The following KCNH8 variants were observed in gnomAD, a reference collection of about 807,000 sequenced individuals.
KCNH8 encodes the protein voltage-gated delayed rectifier potassium channel KCNH8.
KCNH8 carries 70 observed loss-of-function variants against 103.6 expected under a neutral mutation model. The ratio of observed to expected loss-of-function variants is 0.68; its 90% CI spans 0.56 to 0.82. KCNH8 has a LOEUF of 0.82. Among genes scored for constraint, KCNH8 ranks in the 40% least tolerant of loss-of-function variants. The pLI, the probability that KCNH8 is intolerant of heterozygous loss-of-function variation, is 0.00. For synonymous variants in KCNH8, 498 were observed against 489.4 expected, an observed-to-expected ratio of 1.02 and a Z score of -0.23; for missense variants, 1,217 against 1,329.9, an observed-to-expected ratio of 0.92 and a Z score of 1.32.
chr3:19,356,389 G>A (rs2065882465), intron 5 of KCNH8, among the ~76,000 whole-genome samples: 1 of 151,880 alleles, frequency 6.6e-6, no homozygotes, highest in African/African-American at 2.4e-5. Context: ...TTCTTCCCAT[G>A]TAGATTTACC....
At chr3:19,338,214 T>C (rs2065611460) in intron 3 of KCNH8, among the ~76,000 whole-genome samples, 1 of 151,982 alleles carries the variant, frequency 6.6e-6, no homozygotes, top group African/African-American at 2.4e-5. Flanking sequence ...TTTTTACCTC[T>C]CTTCCTTCCT....
At chr3:19,159,856 A>T (rs1344416075) in intron 1 of KCNH8, among the ~76,000 whole-genome samples, 2 of 152,102 alleles carry the variant, frequency 1.3e-5, no homozygotes, top group African/African-American at 4.8e-5. Context: ...TGAGAGCCTG[A>T]GGTTACCAGC....
intron 1 of KCNH8, among the ~76,000 whole-genome samples, chr3:19,250,958 G>A (rs2064268962): frequency 6.6e-6 from 1 of 152,118 alleles, no homozygotes; most frequent in South Asian, 2.1e-4. Context: ...ACTGAAAAAT[G>A]GCTTCTGAAA....
intron 7 of KCNH8, among the ~76,000 whole-genome samples, chr3:19,401,955 A>G (rs888136614): frequency 6.6e-6 from 1 of 151,954 alleles, no homozygotes; most frequent in African/African-American, 2.4e-5. Flanking sequence ...TTATACCTAG[A>G]AAGGAATGAA....
At chr3:19,491,025 A>G (rs948450969) in intron 11 of KCNH8, among the ~76,000 whole-genome samples, 3 of 152,214 alleles carry the variant, frequency 2.0e-5, no homozygotes, top group Non-Finnish European at 4.4e-5. Context: ...CTGGATTGGT[A>G]TGAAGTGTTA....
At chr3:19,315,443 C>A (rs1371313403) in intron 3 of KCNH8, among the ~76,000 whole-genome samples, 1 of 151,942 alleles carries the variant, frequency 6.6e-6, no homozygotes, top group African/African-American at 2.4e-5. Context: ...TTTCAATGAA[C>A]TGAGGGACTT....
intron 11 of KCNH8, among the ~76,000 whole-genome samples, chr3:19,500,892 C>G (rs1251751671): frequency 1.3e-5 from 2 of 152,110 alleles, no homozygotes; most frequent in East Asian, 1.9e-4. Context: ...CAAACACATT[C>G]AAAAGCTAGC....
chr3:19,215,257 C>T (rs2063807268), intron 1 of KCNH8, among the ~76,000 whole-genome samples: 1 of 152,182 alleles, frequency 6.6e-6, no homozygotes, highest in Non-Finnish European at 1.5e-5. Context: ...GATATCTTGA[C>T]ACTTGAATGC....
At chr3:19,509,137 T>A (rs968583685) in intron 11 of KCNH8, among the ~76,000 whole-genome samples, 1 of 152,262 alleles carries the variant, frequency 6.6e-6, no homozygotes, top group Non-Finnish European at 1.5e-5. Flanking sequence ...ACAAAACTTA[T>A]GTCTAAAATG....
At chr3:19,324,836 G>T (rs78785867) in intron 3 of KCNH8, among the ~76,000 whole-genome samples, 1 of 151,678 alleles carries the variant, frequency 6.6e-6, no homozygotes, top group African/African-American at 2.4e-5. Flanking sequence ...AAAAAAAAAT[G>T]TTTTAAAATT....
chr3:19,377,370 A>G (rs1159621617), intron 5 of KCNH8, among the ~76,000 whole-genome samples: 1 of 152,206 alleles, frequency 6.6e-6, no homozygotes, highest in Non-Finnish European at 1.5e-5. Flanking sequence ...AGGTGAGAAC[A>G]CATGGTCAAT....
At chr3:19,300,504 G>A (rs898227358) in intron 3 of KCNH8, among the ~76,000 whole-genome samples, 1 of 152,130 alleles carries the variant, frequency 6.6e-6, no homozygotes, top group Non-Finnish European at 1.5e-5. Flanking sequence ...CTGCTTTGGA[G>A]TATTTTTATC....
chr3:19,351,251 A>G (rs762767630), intron 5 of KCNH8, among the ~76,000 whole-genome samples: 74 of 152,198 alleles, frequency 4.9e-4, no homozygotes, highest in Non-Finnish European at 7.8e-4. Context: ...GACCAAATCT[A>G]CATCTGATTG....
chr3:19,412,968 G>T (rs954136224), intron 7 of KCNH8, among the ~76,000 whole-genome samples: 5 of 151,926 alleles, frequency 3.3e-5, no homozygotes, highest in Non-Finnish European at 7.4e-5. Flanking sequence ...ATTTCTCAAA[G>T]AATTTAAAAC....
intron 1 of KCNH8, among the ~76,000 whole-genome samples, chr3:19,179,621 A>G (rs1229697083): frequency 6.6e-6 from 1 of 152,302 alleles, no homozygotes; most frequent in Middle Eastern, 3.4e-3. Flanking sequence ...ATGAAATAAT[A>G]GTAACAGCTA....
At chr3:19,488,293 A>T (rs1321352610) in intron 11 of KCNH8, among the ~76,000 whole-genome samples, 2 of 151,864 alleles carry the variant, frequency 1.3e-5, no homozygotes, top group Non-Finnish European at 2.9e-5. Flanking sequence ...CTTTTGGGGG[A>T]ATTCCCTTAA....
intron 5 of KCNH8, among the ~76,000 whole-genome samples, chr3:19,373,813 T>C (rs1452443497): frequency 6.6e-6 from 1 of 152,140 alleles, no homozygotes; most frequent in Non-Finnish European, 1.5e-5. Flanking sequence ...GTTGTGTCTT[T>C]GTTCTCGTTG....
chr3:19,200,479 G>A (rs2063646578), intron 1 of KCNH8, among the ~76,000 whole-genome samples: 1 of 150,542 alleles, frequency 6.6e-6, no homozygotes, highest in South Asian at 2.1e-4. Flanking sequence ...AAATTGTGAA[G>A]CTCTTACTAC....
chr3:19,247,970 G>T (rs1471348284), intron 1 of KCNH8, among the ~76,000 whole-genome samples: 1 of 152,126 alleles, frequency 6.6e-6, no homozygotes, highest in Non-Finnish European at 1.5e-5. Flanking sequence ...CCTAAATTAT[G>T]TAGTAGTATA....
Sources: gnomAD v4.1 joint callset for allele counts (sites outside exome capture counted in the v4.1 genomes callset) on GRCh38, gnomAD v4.1.1 for gene constraint, MANE v1.5 for transcripts, NCBI Gene and HGNC (gene_info 2026-07-23, HGNC 2026-07-21) for gene names.